Variants in TRAK1 observed in about 807,000 individuals in gnomAD.
TRAK1 encodes the protein trafficking kinesin protein 1, also known as trafficking kinesin-binding protein 1.
Under a neutral mutation model 92.1 loss-of-function variants are expected in TRAK1, and 33 were observed. The ratio of observed to expected loss-of-function variants is 0.36; its 90% CI spans 0.27 to 0.48. The LOEUF is 0.48. Ranked by LOEUF, TRAK1 falls within the 20% of genes least tolerant of loss-of-function variation. The probability of loss-of-function intolerance (pLI) is 0.99; values close to 1 mark genes in which losing one functional copy is unlikely to be tolerated. For synonymous variants in TRAK1, 521 were observed against 517.3 expected (o/e 1.01, Z -0.10); for missense variants, 1,123 against 1,257.9 (o/e 0.89, Z 1.62).
intron 2 of TRAK1, chr3:42,160,224 G>A: frequency 6.7e-7 from 1 of 1,482,570 alleles, no homozygotes; most frequent in Non-Finnish European, 9.0e-7. Flanking sequence ...CTGAGCCAGG[G>A]CATGTCTGCG....
upstream of TRAK1, among the ~76,000 whole-genome samples, chr3:42,089,458 A>G (rs1704868706): frequency 6.6e-6 from 1 of 152,130 alleles, no homozygotes; most frequent in Non-Finnish European, 1.5e-5. Flanking sequence ...CCTTCTATAG[A>G]GACCTGTAAG....
intron 1 of TRAK1, among the ~76,000 whole-genome samples, chr3:42,079,474 CTTCTTTTTT>C (rs1055527585): frequency 2.0e-4 from 27 of 133,984 alleles, no homozygotes; most frequent in Non-Finnish European, 3.1e-4. Context: ...GAAGCTCCTT[CTTCTTTTTT>C]TTTTTTTTTT....
chr3:42,191,424 G>A (rs181656872), intron 6 of TRAK1, 134 bp from the exon 7 acceptor site: 5 of 648,126 alleles, frequency 7.7e-6, no homozygotes, highest in South Asian at 2.1e-5. Context: ...TTGAGGGTAC[G>A]ATGGGTGACA....
intron 1 of TRAK1, among the ~76,000 whole-genome samples, chr3:42,061,922 C>T (rs1703460631): frequency 6.6e-6 from 1 of 152,190 alleles, no homozygotes; most frequent in African/African-American, 2.4e-5. Flanking sequence ...CACTCTGGGG[C>T]TCAGGAGGGA....
chr3:42,021,188 C>T (rs181137241), intron 1 of TRAK1, among the ~76,000 whole-genome samples: 5 of 152,136 alleles, frequency 3.3e-5, no homozygotes, highest in Non-Finnish European at 5.9e-5. Context: ...GCTGTGTCTG[C>T]GAGTATTACA....
chr3:42,178,676 C>T (rs1225592204), intron 3 of TRAK1, among the ~76,000 whole-genome samples: 1 of 152,062 alleles, frequency 6.6e-6, no homozygotes, highest in Non-Finnish European at 1.5e-5. Flanking sequence ...AACTCTGAGG[C>T]TCAAACAGTC....
At chr3:42,112,924 C>T (rs112758724) in intron 1 of TRAK1, among the ~76,000 whole-genome samples, 1 of 151,874 alleles carries the variant, frequency 6.6e-6, no homozygotes, top group African/African-American at 2.4e-5. Flanking sequence ...GTGTGTGCCA[C>T]CACACTTGGA....
chr3:42,014,373 CAGTG>C (rs1024504045), intron 1 of TRAK1, among the ~76,000 whole-genome samples: 2 of 152,182 alleles, frequency 1.3e-5, no homozygotes, highest in Non-Finnish European at 2.9e-5. Flanking sequence ...TCCGAGGTGA[CAGTG>C]AGGCGACCTT....
rs376042502 is a variant in TRAK1 at position 42,215,383 on chromosome 3, G to C, written c.1964-4111G>C. On this transcript the variant is annotated intron_variant, in intron 14 of 15. Transcript: ENST00000327628. ...GGGCATTAAACAACTAAAATATACT[G>C]ATATTCCTAGGGGATAGTCCAAGAC... is the stretch of plus-strand genomic sequence containing the variant. Among the ~76,000 whole-genome samples, 8 of 152,306 alleles carry C rather than the reference G, an allele frequency of 5.3e-5. No homozygotes were observed. In the South Asian group the frequency reaches 1.5e-3, roughly 28 times the overall value.
intron 1 of TRAK1, among the ~76,000 whole-genome samples, chr3:42,038,802 A>AATT (rs1559714995): frequency 4.7e-5 from 5 of 105,972 alleles, no homozygotes; most frequent in African/African-American, 2.6e-4. Context: ...AAAAAAAAAA[A>AATT]GTTTTTTTTT....
At chr3:42,096,067 T>G (rs1203251040) in intron 1 of TRAK1, among the ~76,000 whole-genome samples, 1 of 152,158 alleles carries the variant, frequency 6.6e-6, no homozygotes, top group African/African-American at 2.4e-5. Flanking sequence ...TGTTTGTTGT[T>G]GACAAGCCAC....
chr3:42,089,719 C>A (rs1349439440), upstream of TRAK1, among the ~76,000 whole-genome samples: 1 of 146,066 alleles, frequency 6.8e-6, no homozygotes, highest in African/African-American at 2.5e-5. Context: ...TTCCCCATCT[C>A]CCTTTCCTGT....
chr3:42,035,849 T>G (rs1256963500), intron 1 of TRAK1, among the ~76,000 whole-genome samples: 1 of 152,246 alleles, frequency 6.6e-6, no homozygotes, highest in African/African-American at 2.4e-5. Context: ...CCAGGACTTT[T>G]GCTTCTGCAG....
At chr3:42,107,997 T>C (rs906911752) in intron 1 of TRAK1, among the ~76,000 whole-genome samples, 1 of 151,894 alleles carries the variant, frequency 6.6e-6, no homozygotes, top group South Asian at 2.1e-4. Flanking sequence ...TTCCAGGATG[T>C]AGGGAAGGCA....
At chr3:42,159,039 ATCTT>A (rs1219028348) in intron 2 of TRAK1, among the ~76,000 whole-genome samples, 6 of 151,486 alleles carry the variant, frequency 4.0e-5, no homozygotes, top group African/African-American at 1.4e-4. Flanking sequence ...TTTAAATAAA[ATCTT>A]TATTATCTCT....
At chr3:42,015,907 G>C (rs758426767) in intron 1 of TRAK1, among the ~76,000 whole-genome samples, 5 of 151,906 alleles carry the variant, frequency 3.3e-5, no homozygotes, top group Non-Finnish European at 7.4e-5. Flanking sequence ...CATGATGATG[G>C]GCACCTGTAA....
chr3:42,063,121 C>A lies in TRAK1; in HGVS notation c.-518-23983C>A, dbSNP rs187496832. On this transcript the variant is annotated intron_variant, in intron 1 of 16. Coordinates refer to the TRAK1 transcript ENST00000487159. ...ACCATGGGTCAAATCCATCCCACCGCCTGCTGTTATAAATAAAGTTTTATT... is the reference window on the plus strand; with the variant it reads ...ACCATGGGTCAAATCCATCCCACCGACTGCTGTTATAAATAAAGTTTTATT... 1.8e-4 allele frequency among the ~76,000 whole-genome samples: 28 copies of A among 152,334 alleles called. No homozygotes were observed. In the East Asian group the frequency reaches 4.1e-3, roughly 22 times the overall value.
chr3:42,162,713 A>G (rs1701409625), intron 2 of TRAK1, among the ~76,000 whole-genome samples: 2 of 152,294 alleles, frequency 1.3e-5, no homozygotes, highest in Non-Finnish European at 1.5e-5. Context: ...CTTTTGTTCT[A>G]CATCTGATAA....
At chr3:42,048,616 T>C (rs1239064203) in intron 1 of TRAK1, among the ~76,000 whole-genome samples, 1 of 149,624 alleles carries the variant, frequency 6.7e-6, no homozygotes, top group East Asian at 1.9e-4. Flanking sequence ...TAGACTGGAG[T>C]GCAGTGGTGC....
Sources: allele counts gnomAD v4.1 joint callset (sites outside exome capture counted in the v4.1 genomes callset), GRCh38; gene constraint gnomAD v4.1.1; transcripts MANE v1.5; gene names NCBI Gene and HGNC (gene_info 2026-07-23, HGNC 2026-07-21).